The following IL31RA variants were observed in gnomAD, a reference collection of about 807,000 sequenced individuals.
IL31RA encodes the protein interleukin 31 receptor A.
IL31RA carries 66 observed loss-of-function variants against 83.7 expected under a neutral mutation model. The ratio of observed to expected loss-of-function variants is 0.79; its 90% CI spans 0.65 to 0.97. The LOEUF (loss-of-function observed/expected upper bound fraction) is 0.97. Ranked by LOEUF, IL31RA falls within the 50% of genes least tolerant of loss-of-function variation. The pLI, the probability that IL31RA is intolerant of heterozygous loss-of-function variation, is 0.00. For missense variants in IL31RA, 798 were observed against 919.4 expected (o/e 0.87, Z 1.71); for synonymous variants, 325 against 329.0 (o/e 0.99, Z 0.13).
Position 55,919,975 on chromosome 5 carries a change from C to T in IL31RA, c.*2855C>T, listed in dbSNP as rs1468700236. On this transcript the variant is annotated 3_prime_UTR_variant, in exon 15 of 15. Transcript: ENST00000652347. ...GCAAGGTTATTAAAAATGGATAAAC[C>T]AGTTTTCTGAGACCCTGGGATCCAT... Among the ~76,000 whole-genome samples the T allele has an allele frequency of 1.3e-5, 2 of 152,192 alleles. No homozygotes were observed. Among genetic ancestry groups the T allele is most frequent in the South Asian group, 4.2e-4 (2 of 4,818 alleles).
At chr5:55,861,860 G>C (rs1745710595) in intron 2 of IL31RA, among the ~76,000 whole-genome samples, 1 of 152,004 alleles carries the variant, frequency 6.6e-6, no homozygotes, top group South Asian at 2.1e-4. Flanking sequence ...TCCTTCCCTT[G>C]GTCCTGCTCA....
At chr5:55,847,245 A>T (rs138440206), upstream of IL31RA, among the ~76,000 whole-genome samples, 129 of 18,204 alleles carry the variant, frequency 7.1e-3, 2 homozygotes, top group South Asian at 0.029. Flanking sequence ...AAAAAAATAA[A>T]AATAAATAAA....
intron 5 of IL31RA, among the ~76,000 whole-genome samples, chr5:55,888,076 T>C (rs796962427): frequency 2.0e-5 from 3 of 151,374 alleles, no homozygotes; most frequent in South Asian, 4.2e-4. Flanking sequence ...ACACACAGAA[T>C]TTGATTTAGG....
rs1159320592 is a variant in IL31RA, at chr5:55,920,406, C to T, written c.*3286C>T. On this transcript the variant is annotated 3_prime_UTR_variant, in exon 15 of 15. Transcript: ENST00000652347. ...TTCATGAACTAAAAGCTATAATGACCTATTTAATGGTTGAAAACAAAAAGA... is the reference window on the plus strand; with the variant it reads ...TTCATGAACTAAAAGCTATAATGACTTATTTAATGGTTGAAAACAAAAAGA... 6.6e-6 allele frequency among the ~76,000 whole-genome samples: 1 copy of T among 152,216 alleles called. No homozygotes were observed. Among genetic ancestry groups the T allele is most frequent in the Admixed American group, 6.5e-5 (1 of 15,282 alleles).
chr5:55,874,159 G>A (rs994322027), intron 4 of IL31RA, among the ~76,000 whole-genome samples: 2 of 152,092 alleles, frequency 1.3e-5, no homozygotes, highest in South Asian at 2.1e-4. Context: ...TGACCCCATG[G>A]CCCCATCCCA....
Position 55,882,942 on chromosome 5 carries a change from A to G in IL31RA, c.455-102A>G, listed in dbSNP as rs141510098. The G allele has an allele frequency of 8.4e-4, 908 of 1,079,996 alleles. 5 individuals carry two copies. The African/African-American group carries it at 0.013, about 15-fold the overall frequency. 66.9% of individuals were successfully genotyped at this position (1,079,996 alleles called of 1,614,324 possible). On this transcript the variant is annotated intron_variant, in intron 4 of 14. Coordinates refer to ENST00000652347, the MANE Select transcript of IL31RA (RefSeq NM_139017.7). ...AAATGCCATCTTCGTTCCATATAGC[A>G]GACCACAATGCACGTATCATTTTTT...
chr5:55,840,098 C>T, the IL31RA span: 16 of 331,188 alleles, frequency 4.8e-5, no homozygotes, highest in Non-Finnish European at 1.7e-5. Context: ...AAATGGCCCA[C>T]TTCTTAATTA....
chr5:55,898,275 C>T (rs1390887560), intron 7 of IL31RA, among the ~76,000 whole-genome samples: 1 of 152,156 alleles, frequency 6.6e-6, no homozygotes, highest in African/African-American at 2.4e-5. Flanking sequence ...TCAGTGCCCG[C>T]CTCCTCCCCG....
chr5:55,881,699 C>T (rs1277365425), intron 4 of IL31RA, among the ~76,000 whole-genome samples: 1 of 149,516 alleles, frequency 6.7e-6, no homozygotes, highest in African/African-American at 2.5e-5. Context: ...CTTGAGCCCA[C>T]TCGCCCAGTT....
chr5:55,867,599 T>G (rs1403676142), intron 2 of IL31RA, among the ~76,000 whole-genome samples: 1 of 152,164 alleles, frequency 6.6e-6, no homozygotes, highest in East Asian at 1.9e-4. Context: ...ATAATTACCT[T>G]AATTCAGAAA....
intron 3 of IL31RA, among the ~76,000 whole-genome samples, chr5:55,870,189 G>T (rs1168768608): frequency 6.6e-6 from 1 of 152,222 alleles, no homozygotes; most frequent in East Asian, 1.9e-4. Context: ...GGGTGCGGCT[G>T]CTTTCCAACG....
chr5:55,908,450 C>T (rs755729328), intron 11 of IL31RA, 39 bp downstream of exon 11: 13 of 1,614,194 alleles, frequency 8.1e-6, no homozygotes, highest in Non-Finnish European at 1.1e-5. Context: ...AAACCCCAAG[C>T]CCCAGATAGA....
Position 55,922,362 on chromosome 5 carries a change from A to G in IL31RA, c.*5242A>G, listed in dbSNP as rs764813150. 14 of 1,539,846 alleles carry G rather than the reference A, an allele frequency of 9.1e-6. No individual in the cohort carries two copies. The highest frequency in any genetic ancestry group is 1.2e-5 in the Non-Finnish European group (14 of 1,136,996). On this transcript the variant is annotated 3_prime_UTR_variant, in exon 15 of 15. Coordinates refer to ENST00000652347, the MANE Select transcript of IL31RA (RefSeq NM_139017.7). The stretch of plus-strand genomic sequence containing the variant: ...AATGCTCTCGTGGCTGTTCAAGGGA[A>G]GTGAGATACTTGTACTATGCATTTC...
intron 9 of IL31RA, among the ~76,000 whole-genome samples, chr5:55,906,696 AG>A (rs1192668441): frequency 7.9e-5 from 12 of 152,326 alleles, no homozygotes; most frequent in African/African-American, 2.9e-4. Flanking sequence ...CCTTCTTTTC[AG>A]GAAAGTCCCT....
At chr5:55,888,285 G>A (rs763817996) in intron 5 of IL31RA, among the ~76,000 whole-genome samples, 2 of 152,122 alleles carry the variant, frequency 1.3e-5, no homozygotes, top group South Asian at 2.1e-4. Context: ...GGATCCTGTC[G>A]GAGCCAGAGG....
chr5:55,845,885 G>C, the IL31RA span, among the ~76,000 whole-genome samples: 1 of 152,132 alleles, frequency 6.6e-6, no homozygotes, highest in African/African-American at 2.4e-5. Flanking sequence ...CTGTCCCTCT[G>C]CTACCTGCTA....
rs1255378020 is a variant in IL31RA, at chr5:55,915,041, A to C, written c.1818+113A>C. On this transcript the variant is annotated intron_variant, in intron 14 of 14. Coordinates refer to ENST00000652347, the MANE Select transcript of IL31RA (RefSeq NM_139017.7). ...TTTTTTCAAGGTTCACATCAAGAGA[A>C]CTGGAGTTGAAAAGTCTCAGGGAAT... 3.4e-5 allele frequency: 28 copies of C among 818,398 alleles called. No individual in the cohort carries two copies. The East Asian group carries it at 5.5e-4, about 16-fold the overall frequency. 50.7% of individuals were successfully genotyped at this position (818,398 alleles called of 1,614,324 possible).
the IL31RA span, among the ~76,000 whole-genome samples, chr5:55,845,804 A>G: frequency 3.3e-5 from 5 of 152,198 alleles, no homozygotes; most frequent in Non-Finnish European, 5.9e-5. Context: ...CAGTGTGAGA[A>G]CGGACTAATA....
intron 6 of IL31RA, among the ~76,000 whole-genome samples, chr5:55,893,120 A>T (rs1467790118): frequency 6.6e-6 from 1 of 152,232 alleles, no homozygotes; most frequent in African/African-American, 2.4e-5. Context: ...CAATATATTG[A>T]TTATTAGAGT....
Sources: gnomAD v4.1 joint callset for allele counts (sites outside exome capture counted in the v4.1 genomes callset) on GRCh38, gnomAD v4.1.1 for gene constraint, MANE v1.5 for transcripts, NCBI Gene and HGNC (gene_info 2026-07-23, HGNC 2026-07-21) for gene names.